The following RNF212B variants were observed in gnomAD, a reference collection of about 807,000 sequenced individuals.
The protein encoded by RNF212B is ring finger protein 212B, also known as E3 ubiquitin-protein ligase RNF212B.
RNF212B carries 52 observed loss-of-function variants against 55.5 expected under a neutral mutation model. That is an observed-to-expected ratio of 0.94 (90% CI 0.75 to 1.18). RNF212B has a LOEUF of 1.18. Among genes scored for constraint, RNF212B ranks in the 50% most tolerant of loss-of-function variants. RNF212B has a pLI of 0.00. For missense variants in RNF212B, 289 were observed against 350.4 expected, an observed-to-expected ratio of 0.82 and a Z score of 1.40; for synonymous variants, 99 against 121.4, an observed-to-expected ratio of 0.82 and a Z score of 1.21.
At chr14:23,190,203 T>C (rs745413955) in intron 1 of RNF212B, among the ~76,000 whole-genome samples, 1 of 152,146 alleles carries the variant, frequency 6.6e-6, no homozygotes, top group South Asian at 2.1e-4. Flanking sequence ...TGTGATGTCA[T>C]CCAGTCCCAT....
chr14:23,226,826 T>TTTA lies in RNF212B; in HGVS notation c.-1-13519_-1-13518insTTA, dbSNP rs1555313758. 7.6e-3 allele frequency among the ~76,000 whole-genome samples: 1,103 copies of TTTA among 145,182 alleles called. 21 individuals are homozygous for TTTA. Among genetic ancestry groups the TTTA allele is most frequent in the African/African-American group, 0.027 (1,044 of 39,226 alleles). ...TTCTTCTTCTTCTTTTTTTTTTTTT[T>TTTA]AATAGAGAGGAGGTCTATGTTGCTC... On this transcript the variant is annotated intron_variant, in intron 2 of 15. Transcript: ENST00000399910.
At chr14:23,220,247 C>A (rs1881447028) in intron 2 of RNF212B, among the ~76,000 whole-genome samples, 1 of 151,574 alleles carries the variant, frequency 6.6e-6, no homozygotes, top group East Asian at 1.9e-4. Flanking sequence ...AACCATACAA[C>A]AAGGCCAGGC....
upstream of RNF212B, among the ~76,000 whole-genome samples, chr14:23,236,216 T>G (rs1594914252): frequency 6.6e-6 from 1 of 152,298 alleles, no homozygotes; most frequent in East Asian, 1.9e-4. Flanking sequence ...TTCCATAGAT[T>G]ATTTATATTA....
chr14:23,191,445 T>G (rs1878114389), intron 1 of RNF212B, among the ~76,000 whole-genome samples: 1 of 152,062 alleles, frequency 6.6e-6, no homozygotes. Flanking sequence ...ATAATTTGTT[T>G]GTTTGTTTGT....
intron 1 of RNF212B, among the ~76,000 whole-genome samples, chr14:23,190,686 A>G (rs1878036065): frequency 6.6e-6 from 1 of 151,984 alleles, no homozygotes; most frequent in Non-Finnish European, 1.5e-5. Flanking sequence ...TCTCCTACAA[A>G]TGTTCCCCTA....
At chr14:23,232,113 G>T (rs1882677573) in intron 2 of RNF212B, among the ~76,000 whole-genome samples, 1 of 151,636 alleles carries the variant, frequency 6.6e-6, no homozygotes. Flanking sequence ...CATCGTCTGG[G>T]ATGTGAGGAG....
At chr14:23,209,668 A>G (rs1880281877) in intron 2 of RNF212B, among the ~76,000 whole-genome samples, 1 of 152,188 alleles carries the variant, frequency 6.6e-6, no homozygotes, top group Admixed American at 6.6e-5. Context: ...CTTTGAGGGT[A>G]GGCTGGATTG....
chr14:23,206,024 C>A (rs1017525887), intron 2 of RNF212B, among the ~76,000 whole-genome samples: 1 of 152,134 alleles, frequency 6.6e-6, no homozygotes, highest in Non-Finnish European at 1.5e-5. Context: ...AATTTTAAAG[C>A]TAGTTTATTT....
At chr14:23,237,836 C>T (rs1250152767), upstream of RNF212B, among the ~76,000 whole-genome samples, 2 of 152,192 alleles carry the variant, frequency 1.3e-5, no homozygotes, top group Non-Finnish European at 2.9e-5. Context: ...CCTCTGCGGG[C>T]CCCGCCCACG....
intron 4 of RNF212B, among the ~76,000 whole-genome samples, chr14:23,248,189 G>A (rs1243232640): frequency 6.6e-6 from 1 of 151,934 alleles, no homozygotes; most frequent in Non-Finnish European, 1.5e-5. Flanking sequence ...GGCCAGTGGT[G>A]CAATCATGGC....
intron 2 of RNF212B, among the ~76,000 whole-genome samples, chr14:23,223,470 C>T (rs1289426813): frequency 6.6e-6 from 1 of 152,110 alleles, no homozygotes; most frequent in African/African-American, 2.4e-5. Flanking sequence ...ATTCTTCTGC[C>T]TCAGCCTCCC....
At chr14:23,221,248 A>AT (rs1881550884) in intron 2 of RNF212B, among the ~76,000 whole-genome samples, 1 of 151,626 alleles carries the variant, frequency 6.6e-6, no homozygotes, top group Non-Finnish European at 1.5e-5. Flanking sequence ...AAAAAAAAAA[A>AT]GAAAGAAACA....
At chr14:23,250,702 G>A (rs79765476) in intron 4 of RNF212B, among the ~76,000 whole-genome samples, 1,676 of 152,226 alleles carry the variant, frequency 0.011, 33 homozygotes, top group African/African-American at 0.038. Flanking sequence ...GAGGACATGC[G>A]CCTCAGAAGG....
At chr14:23,244,096 A>G (rs1883820105) in intron 3 of RNF212B, among the ~76,000 whole-genome samples, 1 of 152,100 alleles carries the variant, frequency 6.6e-6, no homozygotes, top group African/African-American at 2.4e-5. Flanking sequence ...AAAAAAAAGT[A>G]TAAACAACAG....
chr14:23,197,626 A>G (rs1374329333), intron 2 of RNF212B, among the ~76,000 whole-genome samples: 1 of 151,996 alleles, frequency 6.6e-6, no homozygotes. Context: ...ATAATAAAAA[A>G]TATTGTATAA....
At chr14:23,269,825 TC>T (rs1885946146) in intron 12 of RNF212B, 37 bp from the exon 13 acceptor site, 1 of 1,161,876 alleles carries the variant, frequency 8.6e-7, no homozygotes, top group Admixed American at 2.0e-5. Context: ...CCTTTACCTG[TC>T]CTTTTCTCTG....
Position 23,186,442 on chromosome 14 carries a change from T to C in RNF212B, c.-79+952T>C, listed in dbSNP as rs1293675522. Among the ~76,000 whole-genome samples, 13 of 151,840 alleles carry C rather than the reference T, an allele frequency of 8.6e-5. 1 individual carries two copies. Among genetic ancestry groups the C allele is most frequent in the Admixed American group, 8.5e-4 (13 of 15,216 alleles). On this transcript the variant is annotated intron_variant, in intron 1 of 15. Coordinates refer to the RNF212B transcript ENST00000399910. ...TCGGCTCACTGCAACCTCTGGCTCC[T>C]AGGTTCAAGTGATTCTCCTGCCTCA...
At chr14:23,193,705 A>G (rs1175704172) in intron 2 of RNF212B, among the ~76,000 whole-genome samples, 1 of 152,130 alleles carries the variant, frequency 6.6e-6, no homozygotes, top group Non-Finnish European at 1.5e-5. Context: ...TCAGCAATAA[A>G]GAATATGTAG....
intron 2 of RNF212B, among the ~76,000 whole-genome samples, chr14:23,215,887 T>C (rs1179522499): frequency 6.6e-6 from 1 of 152,260 alleles, no homozygotes; most frequent in African/African-American, 2.4e-5. Flanking sequence ...TGTTTCATAT[T>C]GAATTACATT....
Sources: gnomAD v4.1 joint callset for allele counts (sites outside exome capture counted in the v4.1 genomes callset) on GRCh38, gnomAD v4.1.1 for gene constraint, MANE v1.5 for transcripts, NCBI Gene and HGNC (gene_info 2026-07-23, HGNC 2026-07-21) for gene names.